AKT1: variants seen among roughly 807,000 people sequenced by gnomAD.
AKT1 encodes the protein RAC-alpha serine/threonine-protein kinase.
In AKT1, 21 loss-of-function variants were observed where a neutral mutation model predicts 63.1. The observed-to-expected ratio is 0.33, with a 90% confidence interval of 0.24 to 0.48. The LOEUF (loss-of-function observed/expected upper bound fraction) is 0.48, where lower values mean the gene tolerates loss of function less well. Ranked by LOEUF, AKT1 falls within the 20% of genes least tolerant of loss-of-function variation. The pLI is 0.99. For missense variants in AKT1, 382 were observed against 666.0 expected, an observed-to-expected ratio of 0.57 and a Z score of 4.69; for synonymous variants, 257 against 253.1, an observed-to-expected ratio of 1.02 and a Z score of -0.15.
Position 104,793,301 on chromosome 14 carries a change from C to G in AKT1, c.-254G>C, listed in dbSNP as rs548761391. 674 of 187,564 alleles carry G rather than the reference C, an allele frequency of 3.6e-3. 11 individuals carry two copies. The highest frequency in any genetic ancestry group is 0.015 in the African/African-American group (654 of 42,772). The allele number at this position is 187,564 out of a possible 1,614,324, so 11.6% of individuals were successfully genotyped here. A position where few individuals can be genotyped will look rare whatever the true frequency, so the allele number is the denominator to read the frequency against. ...GGGCACAGGGCTCCTCCCTGCTCCC[C>G]AGACTAGGAAAGCAAAGAAATTCAA... On this transcript the variant is annotated 5_prime_UTR_variant, in exon 2 of 15. Transcript: ENST00000649815.
intron 3 of AKT1, among the ~76,000 whole-genome samples, chr14:104,782,382 CG>C (rs1232540727): frequency 1.3e-5 from 2 of 152,182 alleles, no homozygotes; most frequent in Non-Finnish European, 2.9e-5. Flanking sequence ...CAGCCCCCAC[CG>C]TGCCCAGCAT....
In AKT1 at chr14:104,780,116, C is replaced by T; in HGVS notation, c.147G>A (p.Glu49=). 6.2e-7 allele frequency: 1 copy of T among 1,613,706 alleles called. No homozygotes were observed. Among genetic ancestry groups the T allele is most frequent in the South Asian group, 1.1e-5 (1 of 91,082 alleles). The change falls in exon 4 of 15, where the codon GAG becomes GAA. Residue 49 remains glutamate, a synonymous_variant. Coordinates refer to ENST00000649815, the MANE Select transcript of AKT1 (RefSeq NM_001382430.1). ...CCACAGAGAAGTTGTTGAGGGGAGC[C>T]TCACGTTGGTCCACATCCTGCGGCC... ...KERPQDVDQR[E]APLNNFSVAQ... is the part of the protein sequence containing the mutation.
At chr14:104,771,072 A>G (rs1892358433) in intron 13 of AKT1, 4 of 547,772 alleles carry the variant, frequency 7.3e-6, no homozygotes, top group Non-Finnish European at 1.3e-5. Context: ...TGAGACGCAA[A>G]GCTGCCCTCA....
Position 104,770,108 on chromosome 14 carries a change from C to G in AKT1, c.*233G>C, listed in dbSNP as rs982509372. 1.4e-5 allele frequency: 8 copies of G among 590,570 alleles called. No individual in the cohort carries two copies. Among genetic ancestry groups the G allele is most frequent in the Non-Finnish European group, 2.1e-5 (7 of 329,346 alleles). 36.6% of individuals were successfully genotyped at this position (590,570 alleles called of 1,614,324 possible). The stretch of plus-strand genomic sequence containing the variant: ...TTGTTCTGAGGGCTGAGGCCACACC[C>G]GGAGAACAAACTGGATGAAATAAAT... On this transcript the variant is annotated 3_prime_UTR_variant, in exon 15 of 15. Coordinates refer to ENST00000649815, the MANE Select transcript of AKT1 (RefSeq NM_001382430.1).
chr14:104,770,059 T>C lies in AKT1; in HGVS notation c.*282A>G. ...CATTGCGCATAGCTGCAGAAGTCCT[T>C]AACATTTCCCTACGTGAATCGGATT... On this transcript the variant is annotated 3_prime_UTR_variant, in exon 15 of 15. Transcript: ENST00000649815. 1.9e-6 allele frequency: 1 copy of C among 533,036 alleles called. No homozygotes were observed. The highest frequency in any genetic ancestry group is 3.4e-6 in the Non-Finnish European group (1 of 294,506). The allele number at this position is 533,036 out of a possible 1,614,324, so 33.0% of individuals were successfully genotyped here. A position where few individuals can be genotyped will look rare whatever the true frequency, so the allele number is the denominator to read the frequency against.
chr14:104,783,094 G>A lies in AKT1; in HGVS notation c.47-2878C>T, dbSNP rs374219323. Among the ~76,000 whole-genome samples, 556 of 152,202 alleles carry A rather than the reference G, an allele frequency of 3.7e-3. 4 individuals carry two copies. Among genetic ancestry groups the A allele is most frequent in the African/African-American group, 0.013 (536 of 41,500 alleles). On this transcript the variant is annotated intron_variant, in intron 3 of 14. Transcript: ENST00000649815. ...ATCACTGTCCTCATGGCCACAGGAC[G>A]CCTGCAGGCCTGCACCTGCCTACTC...
At chr14:104,777,459 A>G in intron 4 of AKT1, 1 of 816,954 alleles carries the variant, frequency 1.2e-6, no homozygotes, top group Non-Finnish European at 1.5e-6. Flanking sequence ...ACAGACATCT[A>G]GAACACATCT....
intron 4 of AKT1, among the ~76,000 whole-genome samples, chr14:104,779,407 T>C (rs1892903324): frequency 6.6e-6 from 1 of 152,202 alleles, no homozygotes; most frequent in African/African-American, 2.4e-5. Flanking sequence ...GCTTCAGAGC[T>C]GGAGACCCCA....
chr14:104,792,543 G>A, intron 3 of AKT1, 55 bp downstream of exon 3: 1 of 1,602,132 alleles, frequency 6.2e-7, no homozygotes, highest in East Asian at 2.2e-5. Context: ...CAGACCCTGG[G>A]GCTACTACCC....
intron 3 of AKT1, among the ~76,000 whole-genome samples, chr14:104,787,495 G>A (rs527647513): frequency 2.1e-4 from 32 of 152,364 alleles, no homozygotes; most frequent in African/African-American, 7.5e-4. Context: ...AGGGCCCGAG[G>A]GCAGGGTGCT....
rs7140735 is a variant in AKT1 at position 104,771,064 on chromosome 14, A to G, written c.1261-217T>C. Reference sequence around the variant, plus strand: ...GCACGGAGACAACCCTCAACAGCTGAGACGCAAAGCTGCCCTCACAGCAGC... The same window carrying G: ...GCACGGAGACAACCCTCAACAGCTGGGACGCAAAGCTGCCCTCACAGCAGC... On this transcript the variant is annotated intron_variant, in intron 13 of 14. Transcript: ENST00000649815. 42,539 of 559,944 alleles carry G rather than the reference A, an allele frequency of 0.076. 1,863 individuals carry two copies. Among genetic ancestry groups the G allele is most frequent in the South Asian group, 0.11 (4,818 of 42,878 alleles). The allele number at this position is 559,944 out of a possible 1,614,324, so 34.7% of individuals were successfully genotyped here. A position where few individuals can be genotyped will look rare whatever the true frequency, so the allele number is the denominator to read the frequency against.
intron 3 of AKT1, among the ~76,000 whole-genome samples, chr14:104,782,531 G>C (rs1224429402): frequency 6.6e-6 from 1 of 152,174 alleles, no homozygotes; most frequent in African/African-American, 2.4e-5. Flanking sequence ...GGGTGCGGGA[G>C]GGGCAGGCCC....
rs373329736 is a variant in AKT1 at position 104,770,324 on chromosome 14, C to T, written c.*17G>A. On this transcript the variant is annotated 3_prime_UTR_variant, in exon 15 of 15. Transcript: ENST00000649815. ...TCCATCCCTCCAAGCTATCGTCCAG[C>T]GCAGTCCACCGCCGCCTCAGGCCGT... The T allele has an allele frequency of 4.4e-6, 7 of 1,604,054 alleles. No homozygotes were observed. Among genetic ancestry groups the T allele is most frequent in the Non-Finnish European group, 4.2e-6 (5 of 1,177,292 alleles).
At chr14:104,788,806 C>T (rs756853778) in intron 3 of AKT1, among the ~76,000 whole-genome samples, 44 of 152,312 alleles carry the variant, frequency 2.9e-4, no homozygotes, top group Non-Finnish European at 4.7e-4. Context: ...GCTAACTCAG[C>T]AGGAGTGGTG....
chr14:104,787,508 C>T (rs756730194), intron 3 of AKT1, among the ~76,000 whole-genome samples: 1 of 152,244 alleles, frequency 6.6e-6, no homozygotes, highest in Admixed American at 6.5e-5. Context: ...AGGGTGCTGG[C>T]CCCAAGCCGG....
At chr14:104,782,503 T>G (rs1893111311) in intron 3 of AKT1, among the ~76,000 whole-genome samples, 1 of 152,114 alleles carries the variant, frequency 6.6e-6, no homozygotes. Context: ...TCTGGGGGGT[T>G]CTGGGAGCTG....
At chr14:104,772,274 G>T in intron 13 of AKT1, 91 bp downstream of exon 13, 1 of 1,393,386 alleles carries the variant, frequency 7.2e-7, no homozygotes, top group Non-Finnish European at 1.0e-6. Context: ...GGGCGAGTGT[G>T]TGGGAAATCT....
At chr14:104,781,616 C>T (rs1400888210) in intron 3 of AKT1, among the ~76,000 whole-genome samples, 1 of 152,200 alleles carries the variant, frequency 6.6e-6, no homozygotes, top group Non-Finnish European at 1.5e-5. Flanking sequence ...TACCCCGGCC[C>T]CAGCTGCCCA....
intron 4 of AKT1, 95 bp from the exon 5 acceptor site, chr14:104,776,865 T>C: frequency 9.9e-7 from 1 of 1,007,098 alleles, no homozygotes. Context: ...TCCCCTTGCA[T>C]ACCACCCACC....
Sources: allele counts gnomAD v4.1 joint callset (sites outside exome capture counted in the v4.1 genomes callset), GRCh38; gene constraint gnomAD v4.1.1; transcripts MANE v1.5; gene names NCBI Gene and HGNC (gene_info 2026-07-23, HGNC 2026-07-21).